EDC3: variants seen among roughly 807,000 people sequenced by gnomAD.
The protein encoded by EDC3 is enhancer of mRNA decapping 3.
A neutral mutation model predicts 41.8 loss-of-function variants in EDC3; 20 were observed. That is an observed-to-expected ratio of 0.48 (90% confidence interval 0.34 to 0.70). The LOEUF (loss-of-function observed/expected upper bound fraction) is 0.70, where lower values mean the gene tolerates loss of function less well. Ranked by LOEUF, EDC3 falls within the 30% of genes least tolerant of loss-of-function variation. The pLI, the probability that EDC3 is intolerant of heterozygous loss-of-function variation, is 0.01. For synonymous variants in EDC3, 206 were observed against 243.2 expected (o/e 0.85, Z 1.42); for missense variants, 444 against 636.8 (o/e 0.70, Z 3.26).
At chr15:74,665,657 G>C (rs2062669268) in intron 3 of EDC3, among the ~76,000 whole-genome samples, 1 of 152,108 alleles carries the variant, frequency 6.6e-6, no homozygotes, top group African/African-American at 2.4e-5. Flanking sequence ...CACCCGAAAA[G>C]AGATTAAAAT....
Position 74,640,759 on chromosome 15 carries a change from T to G in EDC3, c.821-140A>C, listed in dbSNP as rs932183035. On this transcript the variant is annotated intron_variant, in intron 4 of 6. Transcript: ENST00000315127. ...GCCCATCCTCTTCATCTTCCGGGACTAAGGCACGCTCTGCAGCTCTGCAGA... is the reference window on the plus strand; with the variant it reads ...GCCCATCCTCTTCATCTTCCGGGACGAAGGCACGCTCTGCAGCTCTGCAGA... The G allele has an allele frequency of 5.9e-6, 6 of 1,018,854 alleles. No individual in the cohort carries two copies. The East Asian group carries it at 1.6e-4, about 26-fold the overall frequency. The allele number at this position is 1,018,854 out of a possible 1,614,324, so 63.1% of individuals were successfully genotyped here.
At chr15:74,657,512 G>A (rs976719035) in intron 3 of EDC3, among the ~76,000 whole-genome samples, 2 of 152,178 alleles carry the variant, frequency 1.3e-5, no homozygotes, top group African/African-American at 4.8e-5. Context: ...TGGAGTAAAC[G>A]GGGCACCCCT....
intron 3 of EDC3, among the ~76,000 whole-genome samples, chr15:74,660,107 G>A (rs149346871): frequency 6.6e-6 from 1 of 151,744 alleles, no homozygotes; most frequent in East Asian, 2.0e-4. Context: ...TCAGGAGGCT[G>A]AGATGGGAGG....
In EDC3 at chr15:74,632,955, G is replaced by A. The variant is rs1332919166; in HGVS notation, c.1193-9C>T. On this transcript the variant is annotated splice_polypyrimidine_tract_variant and intron_variant, in intron 6 of 6. Transcript: ENST00000315127. The surrounding 1 kb of genome is among the most constrained non-coding windows in gnomAD (Gnocchi z 4.0). Reference sequence around the variant, plus strand: ...AGGGCTAGTGGGCAGATCTGCAGGTGGAAAGAGTGCCATCTGAAAGTCCCT... The same window carrying A: ...AGGGCTAGTGGGCAGATCTGCAGGTAGAAAGAGTGCCATCTGAAAGTCCCT... 1 of 1,611,944 alleles carries A rather than the reference G, an allele frequency of 6.2e-7. No individual in the cohort carries two copies. The highest frequency in any genetic ancestry group is 1.7e-5 in the Admixed American group (1 of 59,972).
At chr15:74,693,525 G>C (rs973084790) in intron 1 of EDC3, among the ~76,000 whole-genome samples, 1 of 152,154 alleles carries the variant, frequency 6.6e-6, no homozygotes, top group Admixed American at 6.5e-5. Flanking sequence ...TCAAATACAT[G>C]AAGTATATAA....
chr15:74,660,317 T>C (rs955686412), intron 3 of EDC3, among the ~76,000 whole-genome samples: 1 of 151,536 alleles, frequency 6.6e-6, no homozygotes, highest in Non-Finnish European at 1.5e-5. Flanking sequence ...GGTAGGAGAA[T>C]CGCTGGAACC....
At chr15:74,655,474 C>T (rs1402407216) in intron 4 of EDC3, among the ~76,000 whole-genome samples, 1 of 152,050 alleles carries the variant, frequency 6.6e-6, no homozygotes, top group Non-Finnish European at 1.5e-5. Context: ...AGTTGTTACT[C>T]ACAGCATACT....
intron 1 of EDC3, among the ~76,000 whole-genome samples, chr15:74,681,957 G>A (rs1282914483): frequency 6.6e-6 from 1 of 152,090 alleles, no homozygotes; most frequent in Non-Finnish European, 1.5e-5. Context: ...CAGACTGGGA[G>A]AAAATACTTG....
chr15:74,685,587 T>C (rs559364609), intron 1 of EDC3, among the ~76,000 whole-genome samples: 43 of 152,156 alleles, frequency 2.8e-4, no homozygotes, highest in African/African-American at 1.0e-3. Flanking sequence ...AAATCTAGAG[T>C]ACCTACATGT....
intron 3 of EDC3, among the ~76,000 whole-genome samples, chr15:74,670,676 C>T (rs1175183693): frequency 7.2e-5 from 11 of 152,062 alleles, no homozygotes; most frequent in South Asian, 4.1e-4. Flanking sequence ...GTGATCTGCC[C>T]GCCTCAGCCT....
chr15:74,673,134 C>G (rs2062758444), intron 2 of EDC3, among the ~76,000 whole-genome samples: 3 of 151,892 alleles, frequency 2.0e-5, no homozygotes, highest in African/African-American at 7.3e-5. Context: ...TAACCAAGGA[C>G]CACATCATGA....
At chr15:74,641,024 C>T (rs553177400) in intron 4 of EDC3, 1 of 243,650 alleles carries the variant, frequency 4.1e-6, no homozygotes, top group Non-Finnish European at 8.0e-6. Context: ...GGCTTCCTCA[C>T]AAGCAGGCCC....
At chr15:74,674,298 C>T (rs531926338) in intron 2 of EDC3, among the ~76,000 whole-genome samples, 7 of 152,132 alleles carry the variant, frequency 4.6e-5, no homozygotes, top group African/African-American at 7.2e-5. Flanking sequence ...TTTGTAAAGA[C>T]GAGGTCTCAC....
At chr15:74,633,328 A>C (rs1327980349) in intron 6 of EDC3, among the ~76,000 whole-genome samples, 1 of 152,198 alleles carries the variant, frequency 6.6e-6, no homozygotes, top group South Asian at 2.1e-4. Flanking sequence ...GGCAGAGTCC[A>C]CTGTCAAGGT....
chr15:74,677,623 G>A (rs138727408), intron 1 of EDC3, among the ~76,000 whole-genome samples: 6 of 151,880 alleles, frequency 4.0e-5, no homozygotes, highest in Non-Finnish European at 8.8e-5. Flanking sequence ...TGTCTGCCTC[G>A]GCCTCCTAAG....
At chr15:74,665,113 TC>T (rs1383643054) in intron 3 of EDC3, among the ~76,000 whole-genome samples, 2 of 152,124 alleles carry the variant, frequency 1.3e-5, no homozygotes, top group African/African-American at 2.4e-5. Context: ...AGCCTCCACC[TC>T]CCGGGTTCAA....
intron 5 of EDC3, 50 bp from the exon 6 acceptor site, chr15:74,635,676 T>G: frequency 6.5e-7 from 1 of 1,526,964 alleles, no homozygotes; most frequent in Non-Finnish European, 9.0e-7. Flanking sequence ...TGCCAATCCC[T>G]TGCACCCTAT....
intron 1 of EDC3, chr15:74,693,066 CCAT>C (rs966987651): frequency 2.6e-5 from 4 of 152,166 alleles, no homozygotes; most frequent in Non-Finnish European, 5.9e-5. Context: ...AGCAACACCA[CCAT>C]ATCTTCAAAC....
chr15:74,690,373 A>G (rs2062993325), intron 1 of EDC3, among the ~76,000 whole-genome samples: 1 of 151,466 alleles, frequency 6.6e-6, no homozygotes, highest in African/African-American at 2.4e-5. Flanking sequence ...AGCGCTAAAC[A>G]CTCTTCCATC....
Sources: allele counts gnomAD v4.1 joint callset (sites outside exome capture counted in the v4.1 genomes callset), GRCh38; gene constraint gnomAD v4.1.1; non-coding constraint Gnocchi (gnomAD v3.1); transcripts MANE v1.5; gene names NCBI Gene and HGNC (gene_info 2026-07-23, HGNC 2026-07-21).